The following MCTP2 variants were observed in gnomAD, a reference collection of about 807,000 sequenced individuals.
MCTP2 encodes multiple C2 and transmembrane domain-containing protein 2.
A neutral mutation model predicts 111.6 loss-of-function variants in MCTP2; 132 were observed. The ratio of observed to expected loss-of-function variants is 1.18; its 90% confidence interval spans 1.03 to 1.37. The LOEUF is 1.37. Ranked by LOEUF, MCTP2 falls within the 40% of genes most tolerant of loss-of-function variation. The probability of loss-of-function intolerance (pLI) is 0.00; values close to 1 mark genes in which losing one functional copy is unlikely to be tolerated. For missense variants in MCTP2, 1,183 were observed against 1,067.9 expected, an observed-to-expected ratio of 1.11 and a Z score of -1.50; for synonymous variants, 395 against 387.7, an observed-to-expected ratio of 1.02 and a Z score of -0.22.
chr15:94,408,191 T>C (rs919825430), intron 17 of MCTP2, among the ~76,000 whole-genome samples: 1 of 152,316 alleles, frequency 6.6e-6, no homozygotes, highest in East Asian at 1.9e-4. Flanking sequence ...CAACTGGATG[T>C]GCAGAGCAGA....
rs967042132 is a variant in MCTP2 at position 94,481,233 on chromosome 15, A to C, written c.*2199A>C. 1.3e-5 allele frequency: 2 copies of C among 152,100 alleles called. No homozygotes were observed. The highest frequency in any genetic ancestry group is 4.8e-5 in the African/African-American group (2 of 41,406). 9.4% of individuals were successfully genotyped at this position (152,100 alleles called of 1,614,324 possible). On this transcript the variant is annotated 3_prime_UTR_variant, in exon 23 of 23. Transcript: ENST00000357742. ...CTGTCTCTCTATCTTACAGGCATCT[A>C]CACCTCAGCAAGTCAGAAACTAAAC...
chr15:94,394,426 G>A (rs188068995), intron 14 of MCTP2, among the ~76,000 whole-genome samples: 4 of 152,058 alleles, frequency 2.6e-5, no homozygotes, highest in Admixed American at 1.3e-4. Context: ...GATCAAATAC[G>A]AATATGCCTT....
At chr15:94,416,364 T>C (rs753537541) in intron 17 of MCTP2, among the ~76,000 whole-genome samples, 4 of 152,050 alleles carry the variant, frequency 2.6e-5, no homozygotes, top group Non-Finnish European at 4.4e-5. Flanking sequence ...GTGTATTCAT[T>C]ATATGTGTGT....
chr15:94,432,587 A>T (rs181908815), intron 17 of MCTP2, among the ~76,000 whole-genome samples: 34 of 152,306 alleles, frequency 2.2e-4, no homozygotes, highest in South Asian at 6.2e-4. Context: ...AACAACCATA[A>T]TGAAATATAT....
intron 1 of MCTP2, among the ~76,000 whole-genome samples, chr15:94,283,252 A>G (rs1378594): frequency 0.02 from 3,014 of 152,268 alleles, 108 homozygotes; most frequent in African/African-American, 0.069. Flanking sequence ...AGACAGGTGG[A>G]ACACTCAGAT....
intron 12 of MCTP2, among the ~76,000 whole-genome samples, chr15:94,373,206 A>G (rs1014322058): frequency 6.6e-5 from 10 of 152,204 alleles, no homozygotes. Flanking sequence ...CGGGAATCAA[A>G]TTAGAAGGAT....
chr15:94,352,541 G>A (rs1310279660), intron 8 of MCTP2, among the ~76,000 whole-genome samples: 1 of 152,156 alleles, frequency 6.6e-6, no homozygotes, highest in Non-Finnish European at 1.5e-5. Context: ...TATCCATTAT[G>A]TCTGCTGAGA....
At chr15:94,282,948 C>T (rs2074563435) in intron 1 of MCTP2, among the ~76,000 whole-genome samples, 1 of 152,066 alleles carries the variant, frequency 6.6e-6, no homozygotes, top group Non-Finnish European at 1.5e-5. Flanking sequence ...CCCCTAGCAG[C>T]AACACTCTGA....
At chr15:94,347,954 G>C (rs1352383259) in intron 8 of MCTP2, among the ~76,000 whole-genome samples, 1 of 151,948 alleles carries the variant, frequency 6.6e-6, no homozygotes, top group Non-Finnish European at 1.5e-5. Context: ...ATTTGGGTGT[G>C]TATAGGTGTT....
At chr15:94,334,864 T>C (rs1164821386) in intron 4 of MCTP2, among the ~76,000 whole-genome samples, 1 of 152,212 alleles carries the variant, frequency 6.6e-6, no homozygotes, top group East Asian at 1.9e-4. Context: ...TTGTCTGTAC[T>C]GCATTTCTTA....
chr15:94,231,477 C>A (rs2070161644), upstream of MCTP2: 1 of 118 alleles, frequency 8.5e-3, no homozygotes, highest in Admixed American at 0.25. Flanking sequence ...CCGCCTCCTC[C>A]CCTTTAGGCG....
chr15:94,326,109 G>A (rs1024121939), intron 4 of MCTP2, among the ~76,000 whole-genome samples: 6 of 151,970 alleles, frequency 3.9e-5, no homozygotes, highest in Non-Finnish European at 7.4e-5. Context: ...ATGAGCCACC[G>A]TGGCTGGCCC....
chr15:94,439,872 G>A (rs185435157), intron 17 of MCTP2, among the ~76,000 whole-genome samples: 48 of 152,266 alleles, frequency 3.2e-4, no homozygotes, highest in East Asian at 2.3e-3. Context: ...TCTGGCCTGC[G>A]TCTTTGTGAC....
chr15:94,342,531 G>T (rs1489736158), intron 7 of MCTP2: 1 of 151,792 alleles, frequency 6.6e-6, no homozygotes, highest in Admixed American at 6.6e-5. Context: ...TCTGGCAGAA[G>T]CCTAGTGTAC....
intron 12 of MCTP2, among the ~76,000 whole-genome samples, chr15:94,379,152 TA>T (rs1440003135): frequency 6.6e-6 from 1 of 151,388 alleles, no homozygotes; most frequent in Non-Finnish European, 1.5e-5. Flanking sequence ...CCGTGCAAAG[TA>T]GGAAGCAGAA....
intron 17 of MCTP2, chr15:94,402,610 A>C: frequency 6.4e-7 from 1 of 1,550,642 alleles, no homozygotes; most frequent in Non-Finnish European, 8.7e-7. Flanking sequence ...AAACCACCTA[A>C]GTCTACCACT....
rs28973042 is a variant in MCTP2 at position 94,244,753 on chromosome 15, C to T, written c.-66+13089C>T. 1.4e-3 allele frequency among the ~76,000 whole-genome samples: 208 copies of T among 146,412 alleles called. 6 individuals carry two copies. In the East Asian group the frequency reaches 0.036, roughly 25 times the overall value. ...GTATATGTATACACATACATATGCA[C>T]CTATGTTTATATTCGTATATGTATA... is the stretch of plus-strand genomic sequence containing the variant. On this transcript the variant is annotated intron_variant, in intron 1 of 22. Coordinates refer to ENST00000357742, the MANE Select transcript of MCTP2 (RefSeq NM_001385001.1).
At chr15:94,388,277 G>A (rs770936271) in intron 14 of MCTP2, among the ~76,000 whole-genome samples, 1 of 152,108 alleles carries the variant, frequency 6.6e-6, no homozygotes. Context: ...CAGGGACTTC[G>A]GGGGACCCTG....
At chr15:94,349,034 G>A (rs766574060) in intron 8 of MCTP2, among the ~76,000 whole-genome samples, 17 of 151,704 alleles carry the variant, frequency 1.1e-4, no homozygotes, top group Non-Finnish European at 2.2e-4. Context: ...TTATCTACCC[G>A]TCTCTATCTG....
Sources: allele counts gnomAD v4.1 joint callset (sites outside exome capture counted in the v4.1 genomes callset), GRCh38; gene constraint gnomAD v4.1.1; transcripts MANE v1.5; gene names NCBI Gene and HGNC (gene_info 2026-07-23, HGNC 2026-07-21).